The following DCHS2 variants were observed in gnomAD, a reference collection of about 807,000 sequenced individuals.
DCHS2 encodes protocadherin-23.
DCHS2 carries 142 observed loss-of-function variants against 182.4 expected under a neutral mutation model. The observed-to-expected ratio is 0.78, with a 90% CI of 0.68 to 0.89. DCHS2 has a LOEUF of 0.89. DCHS2 is among the 40% of genes least tolerant of loss of function. The pLI, the probability that DCHS2 is intolerant of heterozygous loss-of-function variation, is 0.00. For synonymous variants in DCHS2, 1,740 were observed against 1,663.3 expected (o/e 1.05, Z -1.12); for missense variants, 4,319 against 4,198.6 (o/e 1.03, Z -0.79).
chr4:154,351,017 T>C (rs1729585819), intron 3 of DCHS2, among the ~76,000 whole-genome samples: 2 of 152,242 alleles, frequency 1.3e-5, no homozygotes, highest in Non-Finnish European at 2.9e-5. Context: ...GAAGTTCTTG[T>C]TCTGGTTTGC....
At position 154,320,991 on chromosome 4, in the gene DCHS2, C is replaced by T; in HGVS notation, c.4408G>A (p.Glu1470Lys). ...CTGAAAAGATAATGAGATGTCGTCT[C>T]ATAATCAAGTTCCTTAGAAAGAAAC... ...DLFLSKELDY[E>K]TTSHYLFRVI... is the part of the protein sequence containing the mutation. The change falls in exon 9 of 20, where the codon GAG becomes AAG. Residue 1470 changes from glutamate to lysine, a missense_variant. By Grantham distance (56) the Glu-to-Lys change is moderately conservative (BLOSUM62 1). Coordinates refer to ENST00000357232, the MANE Select transcript of DCHS2 (RefSeq NM_001358235.2). The T allele has an allele frequency of 6.2e-6, 10 of 1,614,008 alleles. No individual in the cohort carries two copies. The highest frequency in any genetic ancestry group is 8.5e-6 in the Non-Finnish European group (10 of 1,179,964).
chr4:154,353,885 C>T (rs1729735085), intron 3 of DCHS2, among the ~76,000 whole-genome samples: 1 of 152,180 alleles, frequency 6.6e-6, no homozygotes, highest in African/African-American at 2.4e-5. Flanking sequence ...CAAGCTCCAC[C>T]AGTAATTATT....
chr4:154,289,977 CA>C (rs1734577086), intron 13 of DCHS2, among the ~76,000 whole-genome samples: 1 of 135,164 alleles, frequency 7.4e-6, no homozygotes, highest in African/African-American at 2.7e-5. Context: ...AAAGGACATC[CA>C]AATTGGAAAG....
At chr4:154,359,274 G>A (rs1384243776) in intron 3 of DCHS2, among the ~76,000 whole-genome samples, 1 of 151,866 alleles carries the variant, frequency 6.6e-6, no homozygotes, top group African/African-American at 2.4e-5. Context: ...AGAGGAAACT[G>A]TTGTAATCAA....
intron 3 of DCHS2, chr4:154,343,783 C>A: frequency 1.1e-6 from 1 of 899,644 alleles, no homozygotes; most frequent in Non-Finnish European, 1.5e-6. Context: ...TATCATTTTT[C>A]TGTTCACTGG....
rs941653045 is a variant in DCHS2 at position 154,305,045 on chromosome 4, T to C, written c.5395+52A>G. On this transcript the variant is annotated intron_variant, in intron 11 of 19. Transcript: ENST00000357232. ...CATTTCACCACTTAACAGGTTTTTT[T>C]TAAATTTAATTTTTAATTTTTATTT... The C allele has an allele frequency of 1.6e-5, 24 of 1,515,142 alleles. No homozygotes were observed. In the African/African-American group the frequency reaches 3.1e-4, roughly 20 times the overall value. The allele number at this position is 1,515,142 out of a possible 1,614,324, so 93.9% of individuals were successfully genotyped here.
At chr4:154,485,714 A>G (rs926222771) in intron 1 of DCHS2, among the ~76,000 whole-genome samples, 27 of 152,244 alleles carry the variant, frequency 1.8e-4, no homozygotes, top group African/African-American at 6.3e-4. Flanking sequence ...AAATGAATTG[A>G]TGAATGAACA....
intron 15 of DCHS2, 104 bp downstream of exon 15, chr4:154,259,441 G>T: frequency 6.6e-7 from 1 of 1,514,258 alleles, no homozygotes; most frequent in Non-Finnish European, 8.8e-7. Flanking sequence ...ACAGGGATTA[G>T]AAATTTTTAT....
At chr4:154,321,630 T>C (rs1412946222) in intron 8 of DCHS2, among the ~76,000 whole-genome samples, 1 of 152,240 alleles carries the variant, frequency 6.6e-6, no homozygotes, top group Non-Finnish European at 1.5e-5. Context: ...TGTCTTTGTT[T>C]GTCTGAAACA....
chr4:154,490,412 AC>A lies in DCHS2; in HGVS notation c.943del (p.Val315SerfsTer47), dbSNP rs1728772338. On this transcript the variant is annotated frameshift_variant, in exon 1 of 20. Coordinates refer to ENST00000357232, the MANE Select transcript of DCHS2 (RefSeq NM_001358235.2). LOFTEE classifies it high-confidence loss of function. ...VREDAQPGAE[V>X]CRVRATDRDL... ...GCGGTCGGTGGCGCGCACGCGACAGACCTCGGCGCCCGGCTGGGCGTCCTCG... is the reference window on the plus strand; with the variant it reads ...GCGGTCGGTGGCGCGCACGCGACAGACTCGGCGCCCGGCTGGGCGTCCTCG... 9.8e-6 allele frequency: 15 copies of A among 1,533,484 alleles called. No homozygotes were observed. Among genetic ancestry groups the A allele is most frequent in the African/African-American group, 1.4e-5 (1 of 72,678 alleles). 95.0% of individuals were successfully genotyped at this position (1,533,484 alleles called of 1,614,324 possible).
chr4:154,480,356 T>G (rs1353897629), intron 1 of DCHS2, among the ~76,000 whole-genome samples: 1 of 152,210 alleles, frequency 6.6e-6, no homozygotes, highest in Admixed American at 6.5e-5. Context: ...CAGAATAATC[T>G]GAACAAAAAA....
chr4:154,334,802 G>A (rs72617463), intron 4 of DCHS2, 66 bp downstream of exon 4: 31,242 of 1,281,628 alleles, frequency 0.024, 2,845 homozygotes, highest in Admixed American at 0.22. Flanking sequence ...AGATTGTACC[G>A]CCTACAAAAA....
rs1045557602 is a variant in DCHS2 at position 154,377,424 on chromosome 4, A to C, written c.2073T>G (p.Asp691Glu). ...ATTCAATAAAGCCATAGAGTCCTGA[A>C]TCTGCATCAGAGGCTGTCACCTGTG... Reference protein sequence around the residue: ...CFLQVTASDADSGLYGFIEYS... With the variant: ...CFLQVTASDAESGLYGFIEYS... The change falls in exon 2 of 20, where the codon GAT becomes GAG. Residue 691 changes from aspartate (D) to glutamate (E), a missense_variant. Coordinates refer to ENST00000357232, the MANE Select transcript of DCHS2 (RefSeq NM_001358235.2). The C allele has an allele frequency of 6.2e-7, 1 of 1,612,788 alleles. No homozygotes were observed.
chr4:154,268,709 T>G (rs1181019214), intron 14 of DCHS2, among the ~76,000 whole-genome samples: 1 of 152,164 alleles, frequency 6.6e-6, no homozygotes, highest in East Asian at 1.9e-4. Context: ...CAGTCTTACA[T>G]GTTTCAACAT....
chr4:154,369,024 A>G (rs2110780215), intron 2 of DCHS2, among the ~76,000 whole-genome samples: 1 of 152,360 alleles, frequency 6.6e-6, no homozygotes, highest in East Asian at 1.9e-4. Flanking sequence ...AACTGTATAT[A>G]CATTTACTGT....
At chr4:154,362,844 A>C (rs1730188292) in intron 3 of DCHS2, among the ~76,000 whole-genome samples, 1 of 152,148 alleles carries the variant, frequency 6.6e-6, no homozygotes, top group Non-Finnish European at 1.5e-5. Context: ...GATTTCCTTA[A>C]TAATAACTTC....
intron 1 of DCHS2, among the ~76,000 whole-genome samples, chr4:154,481,892 AAGGACACCTGGAAATAAT>A: frequency 6.6e-6 from 1 of 152,204 alleles, no homozygotes; most frequent in South Asian, 2.1e-4. Context: ...TGTCCAAATG[AAGGACACCTGGAAATAAT>A]GAGAACGAGC....
chr4:154,391,944 T>C (rs768472616), intron 1 of DCHS2, among the ~76,000 whole-genome samples: 1 of 152,130 alleles, frequency 6.6e-6, no homozygotes, highest in Non-Finnish European at 1.5e-5. Flanking sequence ...CTGAATAACA[T>C]ACCCCAGGTT....
At chr4:154,305,074 A>C (rs2111300428) in intron 11 of DCHS2, 23 bp downstream of exon 11, 2 of 1,575,212 alleles carry the variant, frequency 1.3e-6, no homozygotes, top group East Asian at 4.5e-5. Context: ...TTTATTTTTT[A>C]GCCTACTCAA....
Sources: gnomAD v4.1 joint callset for allele counts (sites outside exome capture counted in the v4.1 genomes callset) on GRCh38, gnomAD v4.1.1 for gene constraint, MANE v1.5 for transcripts, NCBI Gene and HGNC (gene_info 2026-07-23, HGNC 2026-07-21) for gene names.